Variants in NBPF3 observed in about 807,000 individuals in gnomAD.
NBPF3 encodes NBPF member 3, also known as NBPF family member NBPF3.
In NBPF3, 57 loss-of-function variants were observed where a neutral mutation model predicts 78.1. The observed-to-expected ratio is 0.73, with a 90% CI of 0.59 to 0.91. The LOEUF is 0.91. Ranked by LOEUF, NBPF3 falls within the 40% of genes least tolerant of loss-of-function variation. The pLI, the probability that NBPF3 is intolerant of heterozygous loss-of-function variation, is 0.00. For synonymous variants in NBPF3, 182 were observed against 271.7 expected (o/e 0.67, Z 3.25); for missense variants, 510 against 715.3 (o/e 0.71, Z 3.27).
chr1:21,449,922 TTG>T, intron 2 of NBPF3: 1 of 89,820 alleles, frequency 1.1e-5, no homozygotes, highest in Non-Finnish European at 1.9e-5. Flanking sequence ...AGTTCTTTCA[TTG>T]ATTGATTGAT....
At chr1:21,441,698 G>C (rs12047493) in intron 1 of NBPF3, among the ~76,000 whole-genome samples, 67,332 of 142,334 alleles carry the variant, frequency 0.47, 17,336 homozygotes, top group Middle Eastern at 0.62. Flanking sequence ...CAGAGTGAGA[G>C]CCTATCTCAA....
chr1:21,447,417 G>A (rs1051979606), intron 2 of NBPF3, among the ~76,000 whole-genome samples: 4 of 152,072 alleles, frequency 2.6e-5, no homozygotes, highest in African/African-American at 7.2e-5. Flanking sequence ...CATTTCATGC[G>A]TCCTCCTCTC....
intron 7 of NBPF3, among the ~76,000 whole-genome samples, chr1:21,474,240 G>A (rs1269685502): frequency 1.4e-5 from 2 of 139,220 alleles, no homozygotes; most frequent in African/African-American, 2.7e-5. Flanking sequence ...GTCTGGCTCT[G>A]TCACCCAGGC....
At chr1:21,465,281 G>T (rs1247651894) in intron 2 of NBPF3, among the ~76,000 whole-genome samples, 2 of 152,216 alleles carry the variant, frequency 1.3e-5, no homozygotes, top group Non-Finnish European at 2.9e-5. Context: ...AAACTGTAAG[G>T]TCAATGCTGT....
chr1:21,471,496 CTG>C (rs1642591247), intron 4 of NBPF3, 71 bp from the exon 5 acceptor site: 2 of 1,606,828 alleles, frequency 1.2e-6, no homozygotes, highest in East Asian at 4.5e-5. Flanking sequence ...TCTCAGAAAT[CTG>C]TGTTGCAAAA....
In NBPF3 at chr1:21,468,744, T is replaced by G; in HGVS notation, c.190T>G (p.Trp64Gly). 1 of 1,613,710 alleles carries G rather than the reference T, an allele frequency of 6.2e-7. No homozygotes were observed. Among genetic ancestry groups the G allele is most frequent in the Non-Finnish European group, 8.5e-7 (1 of 1,179,636 alleles). ...CAGCATGGTGGTATCTGCCGGCCCT[T>G]GGTCCGGTGAGAAGGCAGAGATGAA... ...NVSMVVSAGPWSGEKAEMNIL... is the reference protein window; with the variant it reads ...NVSMVVSAGPGSGEKAEMNIL... The change falls in exon 3 of 15, where the codon TGG (tryptophan) becomes GGG (glycine). Residue 64 changes from tryptophan (W) to glycine (G), a missense_variant. This residue lies in a region of NBPF3 where 440 missense variants were observed against 478.2 expected (regional missense o/e 0.92). Coordinates refer to ENST00000318249, the MANE Select transcript of NBPF3 (RefSeq NM_032264.6).
intron 2 of NBPF3, chr1:21,446,365 C>G (rs1464899180): frequency 1.3e-5 from 2 of 152,178 alleles, no homozygotes; most frequent in Non-Finnish European, 2.9e-5. Context: ...TCTCTAATAA[C>G]TGGTTAGTGT....
intron 2 of NBPF3, among the ~76,000 whole-genome samples, chr1:21,447,692 G>A (rs1422948503): frequency 6.6e-6 from 1 of 152,182 alleles, no homozygotes; most frequent in Non-Finnish European, 1.5e-5. Context: ...TGGCAATTAT[G>A]AATAAAATTG....
At chr1:21,456,729 G>C (rs1641625013) in intron 2 of NBPF3, among the ~76,000 whole-genome samples, 1 of 151,878 alleles carries the variant, frequency 6.6e-6, no homozygotes, top group African/African-American at 2.4e-5. Flanking sequence ...CCCTATTAAG[G>C]GTAGATTTGA....
chr1:21,439,659 T>A (rs1311336482), upstream of NBPF3, among the ~76,000 whole-genome samples: 2 of 151,588 alleles, frequency 1.3e-5, no homozygotes, highest in African/African-American at 4.9e-5. Context: ...TTTTTTTTTT[T>A]AATAGATACG....
chr1:21,450,376 G>C (rs1456743073), intron 2 of NBPF3, among the ~76,000 whole-genome samples: 1 of 152,254 alleles, frequency 6.6e-6, no homozygotes, highest in East Asian at 1.9e-4. Flanking sequence ...GCCTTCTGTG[G>C]CTTCATCTTC....
intron 2 of NBPF3, chr1:21,466,170 CA>C (rs1399751029): frequency 2.0e-6 from 2 of 979,896 alleles, no homozygotes; most frequent in African/African-American, 3.5e-5. Flanking sequence ...AGTGCAGGGG[CA>C]AGTCCAGGTC....
At chr1:21,466,701 C>G (rs1311442339) in intron 2 of NBPF3, among the ~76,000 whole-genome samples, 1 of 152,194 alleles carries the variant, frequency 6.6e-6, no homozygotes. Flanking sequence ...CTTCCTATGA[C>G]TCATTCTGGT....
At position 21,460,647 on chromosome 1, in the gene NBPF3, T is replaced by C. The variant is rs1382580474; in HGVS notation, c.134-8041T>C. Among the ~76,000 whole-genome samples the C allele has an allele frequency of 6.6e-6, 1 of 152,238 alleles. No individual in the cohort carries two copies. Among genetic ancestry groups the C allele is most frequent in the Non-Finnish European group, 1.5e-5 (1 of 68,046 alleles). On this transcript the variant is annotated intron_variant, in intron 2 of 14. Transcript: ENST00000318249. This position sits in a 1 kb window ranked among gnomAD's most constrained non-coding sequence, Gnocchi z 4.2. ...TAACTTAAGATGTGAAAGTTAAAATTAGAAACCTTGTAAAGGAAAAATAGG... is the reference window on the plus strand; with the variant it reads ...TAACTTAAGATGTGAAAGTTAAAATCAGAAACCTTGTAAAGGAAAAATAGG...
At chr1:21,450,465 C>A (rs1569948535) in intron 2 of NBPF3, among the ~76,000 whole-genome samples, 1 of 152,266 alleles carries the variant, frequency 6.6e-6, no homozygotes, top group Non-Finnish European at 1.5e-5. Flanking sequence ...CTCACCAGCT[C>A]AAAGTCATAT....
Position 21,468,846 on chromosome 1 carries a change from T to C in NBPF3, c.292T>C (p.Cys98Arg). 2 of 1,614,136 alleles carry C rather than the reference T, an allele frequency of 1.2e-6. No homozygotes were observed. Among genetic ancestry groups the C allele is most frequent in the Non-Finnish European group, 1.7e-6 (2 of 1,180,016 alleles). ...KQQFRNLKQK[C>R]LVTQVAYFLA... ...GCAGTTCAGAAACCTCAAACAGAAA[T>C]GTCTTGTAACTCAAGTGGCCTACTT... Residue 98 changes from cysteine to arginine, a missense_variant, in exon 3 of 15, where the codon TGT becomes CGT. Around this residue, in one of 5 missense-constraint regions of NBPF3, gnomAD observed 440 missense variants for 478.2 expected, o/e 0.92. Coordinates refer to ENST00000318249, the MANE Select transcript of NBPF3 (RefSeq NM_032264.6).
intron 7 of NBPF3, among the ~76,000 whole-genome samples, 164 bp from the exon 8 acceptor site, chr1:21,474,736 A>C (rs898559169): frequency 6.6e-6 from 1 of 152,184 alleles, no homozygotes; most frequent in African/African-American, 2.4e-5. Context: ...AGGGTCATCT[A>C]CTTCTCACCA....
chr1:21,442,881 C>T (rs976329160), intron 1 of NBPF3, among the ~76,000 whole-genome samples: 1 of 152,098 alleles, frequency 6.6e-6, no homozygotes, highest in African/African-American at 2.4e-5. Flanking sequence ...AGGTTGGTCT[C>T]GAACTCTTGG....
intron 1 of NBPF3, chr1:21,441,031 C>T (rs907806496): frequency 2.6e-5 from 4 of 152,230 alleles, no homozygotes; most frequent in Non-Finnish European, 5.9e-5. Flanking sequence ...CGTCCTTTCA[C>T]CGAAGAGTTA....
Sources: allele counts gnomAD v4.1 joint callset (sites outside exome capture counted in the v4.1 genomes callset), GRCh38; gene constraint gnomAD v4.1.1; regional missense constraint gnomAD v4.1.1; non-coding constraint Gnocchi (gnomAD v3.1); transcripts MANE v1.5; gene names NCBI Gene and HGNC (gene_info 2026-07-23, HGNC 2026-07-21).